The following DLG2 variants were observed in gnomAD, a reference collection of about 807,000 sequenced individuals.
DLG2 encodes the protein disks large homolog 2.
A neutral mutation model predicts 132.5 loss-of-function variants in DLG2; 45 were observed. That is an observed-to-expected ratio of 0.34 (90% confidence interval 0.27 to 0.44). The LOEUF (loss-of-function observed/expected upper bound fraction) is 0.44. Among genes scored for constraint, DLG2 ranks in the 20% least tolerant of loss-of-function variants. DLG2 has a pLI of 1.00. For synonymous variants in DLG2, 424 were observed against 419.6 expected, an observed-to-expected ratio of 1.01 and a Z score of -0.13; for missense variants, 1,045 against 1,196.9, an observed-to-expected ratio of 0.87 and a Z score of 1.87.
intron 6 of DLG2, among the ~76,000 whole-genome samples, chr11:84,611,024 T>TACACACACACAC (rs10587472): frequency 0.015 from 2,091 of 138,168 alleles, 57 homozygotes; most frequent in African/African-American, 0.051. Context: ...TTAGATGACA[T>TACACACACACAC]ACACACACAC....
intron 17 of DLG2, among the ~76,000 whole-genome samples, chr11:83,821,408 C>G (rs2050753935): frequency 6.6e-6 from 1 of 151,944 alleles, no homozygotes; most frequent in South Asian, 2.1e-4. Flanking sequence ...AATTAAGAAA[C>G]TTATTATGGA....
rs560449940 is a variant in DLG2, at chr11:84,825,207, A to C, written c.357+286454T>G. ...TCAGGCCCAGGTGTTAGGAGACCTG[A>C]GTTTGAATGTCAGCTTAATGCTCAC... is the stretch of plus-strand genomic sequence containing the variant. On this transcript the variant is annotated intron_variant, in intron 6 of 27. Transcript: ENST00000376104. Among the ~76,000 whole-genome samples, 6 of 151,962 alleles carry C rather than the reference A, an allele frequency of 3.9e-5. No individual in the cohort carries two copies. In the South Asian group the frequency reaches 1.2e-3, roughly 32 times the overall value.
At chr11:85,512,387 C>G (rs2094093352) in intron 3 of DLG2, among the ~76,000 whole-genome samples, 1 of 152,024 alleles carries the variant, frequency 6.6e-6, no homozygotes, top group African/African-American at 2.4e-5. Context: ...AGTTTTTATT[C>G]TAAAACAAGG....
chr11:83,605,040 T>G (rs201256199), intron 19 of DLG2, among the ~76,000 whole-genome samples: 3 of 83,270 alleles, frequency 3.6e-5, no homozygotes, highest in Non-Finnish European at 7.5e-5. Flanking sequence ...AGAGAGAGAT[T>G]GATTGATTCA....
In DLG2 at chr11:84,382,816, T is replaced by C. The variant is rs189042858; in HGVS notation, c.520-131525A>G. On this transcript the variant is annotated intron_variant, in intron 7 of 27. Transcript: ENST00000376104. ...CCTACCACTAATGCTATATAATTGA[T>C]ACCATATTAGTTGCACCTCCTCTCC... Among the ~76,000 whole-genome samples, 237 of 151,668 alleles carry C rather than the reference T, an allele frequency of 1.6e-3. 2 individuals carry two copies. The highest frequency in any genetic ancestry group is 5.4e-3 in the African/African-American group (223 of 41,286).
intron 3 of DLG2, among the ~76,000 whole-genome samples, chr11:85,388,853 C>G: frequency 6.6e-6 from 1 of 152,092 alleles, no homozygotes; most frequent in Non-Finnish European, 1.5e-5. Context: ...GGAACAGAAG[C>G]CCTTGAGTCC....
intron 16 of DLG2, among the ~76,000 whole-genome samples, chr11:83,846,134 T>C (rs1434551362): frequency 6.6e-6 from 1 of 152,226 alleles, no homozygotes; most frequent in Non-Finnish European, 1.5e-5. Flanking sequence ...AACTAGATCT[T>C]GACAGATGGG....
intron 10 of DLG2, among the ~76,000 whole-genome samples, chr11:84,070,060 A>G (rs2154142975): frequency 6.6e-6 from 1 of 152,300 alleles, no homozygotes; most frequent in African/African-American, 2.4e-5. Flanking sequence ...TCAAACACAC[A>G]AAACCAGGTT....
At position 84,312,316 on chromosome 11, in the gene DLG2, C is replaced by T. The variant is rs1223562817; in HGVS notation, c.520-61025G>A. On this transcript the variant is annotated intron_variant, in intron 7 of 27. Coordinates refer to ENST00000376104, the MANE Select transcript of DLG2 (RefSeq NM_001142699.3). ...AAACCCCATCTCTAATAAAAATACA[C>T]ACAAAAAAAGAAAGTAGCCAGGCCT... 2.6e-5 allele frequency among the ~76,000 whole-genome samples: 4 copies of T among 151,880 alleles called. No individual in the cohort carries two copies. The South Asian group carries it at 8.3e-4, about 32-fold the overall frequency.
At chr11:84,138,810 G>A (rs1278902189) in intron 9 of DLG2, among the ~76,000 whole-genome samples, 4 of 152,036 alleles carry the variant, frequency 2.6e-5, no homozygotes, top group East Asian at 1.9e-4. Flanking sequence ...TTAGCCTAGC[G>A]TGGTGGCACA....
intron 6 of DLG2, among the ~76,000 whole-genome samples, chr11:84,933,726 T>G (rs2048359577): frequency 6.6e-6 from 1 of 152,178 alleles, no homozygotes. Context: ...CCTGAGACTT[T>G]GCTGAAGTTG....
intron 19 of DLG2, 45 bp from the exon 20 acceptor site, chr11:83,541,903 GCA>G (rs748762174): frequency 5.9e-6 from 9 of 1,528,300 alleles, no homozygotes; most frequent in Middle Eastern, 3.6e-4. Flanking sequence ...ATCTCTGGCA[GCA>G]CAGATTTAGG....
chr11:83,884,706 C>G (rs1275930800), intron 15 of DLG2, among the ~76,000 whole-genome samples: 2 of 152,204 alleles, frequency 1.3e-5, no homozygotes, highest in African/African-American at 2.4e-5. Flanking sequence ...CCAGTAGGGG[C>G]AGACTGACAC....
chr11:84,883,804 A>G (rs78112995), intron 6 of DLG2, among the ~76,000 whole-genome samples: 6,367 of 152,198 alleles, frequency 0.042, 198 homozygotes, highest in African/African-American at 0.081. Context: ...GCAGCATGTA[A>G]GAAGCAATAG....
At chr11:83,972,389 T>C (rs1251073986) in intron 12 of DLG2, among the ~76,000 whole-genome samples, 1 of 152,166 alleles carries the variant, frequency 6.6e-6, no homozygotes, top group Non-Finnish European at 1.5e-5. Flanking sequence ...CTGTATGATA[T>C]AAAGTAGCAT....
rs145547825 is a variant in DLG2 at position 84,915,196 on chromosome 11, C to T, written c.357+196465G>A. The stretch of plus-strand genomic sequence containing the variant: ...ATTATGAGTTATGACCCATTCTACA[C>T]CCCTTCAAAGTCAATAAAGAAGGTT... On this transcript the variant is annotated intron_variant, in intron 6 of 27. Coordinates refer to ENST00000376104, the MANE Select transcript of DLG2 (RefSeq NM_001142699.3). Among the ~76,000 whole-genome samples the T allele has an allele frequency of 4.1e-4, 63 of 152,264 alleles. 2 individuals are homozygous for T. Among genetic ancestry groups the T allele is most frequent in the African/African-American group, 1.4e-3 (57 of 41,546 alleles).
intron 6 of DLG2, among the ~76,000 whole-genome samples, chr11:84,961,279 T>C (rs1192690710): frequency 6.6e-6 from 1 of 151,902 alleles, no homozygotes; most frequent in Non-Finnish European, 1.5e-5. Flanking sequence ...CAGGGTATCA[T>C]ACCAGTGTAG....
intron 15 of DLG2, among the ~76,000 whole-genome samples, chr11:83,930,082 A>C (rs2079853553): frequency 6.6e-6 from 1 of 152,176 alleles, no homozygotes; most frequent in South Asian, 2.1e-4. Flanking sequence ...ATGTATAGGA[A>C]CCAGGAACAT....
chr11:83,515,216 G>A (rs1347879647), intron 21 of DLG2, among the ~76,000 whole-genome samples: 2 of 152,136 alleles, frequency 1.3e-5, no homozygotes, highest in Admixed American at 6.5e-5. Flanking sequence ...TCTGTTATTC[G>A]TCTATTTAGA....
Sources: allele counts gnomAD v4.1 joint callset (sites outside exome capture counted in the v4.1 genomes callset), GRCh38; gene constraint gnomAD v4.1.1; transcripts MANE v1.5; gene names NCBI Gene and HGNC (gene_info 2026-07-23, HGNC 2026-07-21).